The following SMAP2 variants were observed in gnomAD, a reference collection of about 807,000 sequenced individuals.
SMAP2 encodes stromal membrane-associated protein 2.
Under a neutral mutation model 56.4 loss-of-function variants are expected in SMAP2, and 25 were observed. The observed-to-expected ratio is 0.44, with a 90% CI of 0.32 to 0.62. The LOEUF is 0.62. SMAP2 is among the 20% of genes least tolerant of loss of function. The pLI, the probability that SMAP2 is intolerant of heterozygous loss-of-function variation, is 0.04. For missense variants in SMAP2, 388 were observed against 545.6 expected (o/e 0.71, Z 2.88); for synonymous variants, 157 against 181.7 (o/e 0.86, Z 1.09).
intron 1 of SMAP2, among the ~76,000 whole-genome samples, chr1:40,352,494 GT>G (rs1449585678): frequency 6.6e-6 from 1 of 151,802 alleles, no homozygotes; most frequent in East Asian, 1.9e-4. Context: ...CTTCTTTGTT[GT>G]TTCCCTTGCT....
chr1:40,415,462 G>A (rs2124369096), intron 7 of SMAP2, 81 bp downstream of exon 7: 1 of 942,246 alleles, frequency 1.1e-6, no homozygotes, highest in Non-Finnish European at 1.7e-6. Context: ...ACCACGTCAT[G>A]CTTCCTTGGT....
Position 40,355,799 on chromosome 1 carries a change from G to A in SMAP2, c.-82-6501G>A, listed in dbSNP as rs182497679. Among the ~76,000 whole-genome samples, 12 of 152,108 alleles carry A rather than the reference G, an allele frequency of 7.9e-5. No individual in the cohort carries two copies. In the East Asian group the frequency reaches 1.2e-3, roughly 15 times the overall value. On this transcript the variant is annotated intron_variant, in intron 1 of 6. Coordinates refer to the SMAP2 transcript ENST00000435168. ...TAATTTTTAAATTTTTTGTAGAGAC[G>A]AGGTCTCACTATGTTGCCAAGGTTG...
upstream of SMAP2, among the ~76,000 whole-genome samples, chr1:40,369,388 C>T (rs1178861676): frequency 6.8e-6 from 1 of 146,458 alleles, no homozygotes; most frequent in African/African-American, 2.5e-5. Flanking sequence ...AAAGAGCCCA[C>T]ATCGCCAAGT....
chr1:40,408,626 A>G lies in SMAP2; in HGVS notation c.238-27A>G, dbSNP rs1644907284. 6.3e-7 allele frequency: 1 copy of G among 1,595,984 alleles called. No homozygotes were observed. Among genetic ancestry groups the G allele is most frequent in the Non-Finnish European group, 8.6e-7 (1 of 1,163,790 alleles). The stretch of plus-strand genomic sequence containing the variant: ...CAGTTCTTTCTTGATCTGACGTTCC[A>G]TGTTTCTACATTCTCTTTGGTCACA... On this transcript the variant is annotated intron_variant, in intron 2 of 9. Coordinates refer to ENST00000372718, the MANE Select transcript of SMAP2 (RefSeq NM_022733.3). The surrounding 1 kb of genome is among the most constrained non-coding windows in gnomAD (Gnocchi z 4.3).
intron 1 of SMAP2, among the ~76,000 whole-genome samples, chr1:40,352,561 C>T (rs1644413379): frequency 6.6e-6 from 1 of 151,934 alleles, no homozygotes; most frequent in Non-Finnish European, 1.5e-5. Context: ...CTTTTAAAGA[C>T]AGGATCTTGC....
chr1:40,384,153 T>G (rs963927808), intron 1 of SMAP2, among the ~76,000 whole-genome samples: 5 of 152,180 alleles, frequency 3.3e-5, no homozygotes, highest in African/African-American at 1.2e-4. Context: ...CTACCCTCCT[T>G]GGCCTCCCAA....
At chr1:40,350,012 T>C (rs1644403750) in intron 1 of SMAP2, among the ~76,000 whole-genome samples, 1 of 152,144 alleles carries the variant, frequency 6.6e-6, no homozygotes, top group African/African-American at 2.4e-5. Context: ...GAGACAGTAC[T>C]CCCAGGCCTC....
At chr1:40,380,917 C>G (rs1644591673) in intron 1 of SMAP2, among the ~76,000 whole-genome samples, 1 of 152,184 alleles carries the variant, frequency 6.6e-6, no homozygotes, top group South Asian at 2.1e-4. Flanking sequence ...ACGCCTTTCT[C>G]TAGCCAAGAT....
chr1:40,411,812 T>C (rs777165780), intron 4 of SMAP2, among the ~76,000 whole-genome samples: 1 of 152,220 alleles, frequency 6.6e-6, no homozygotes, highest in African/African-American at 2.4e-5. Context: ...GCTGCATGTA[T>C]TGATTATAAA....
chr1:40,378,248 C>T (rs1644560664), intron 1 of SMAP2, among the ~76,000 whole-genome samples: 1 of 152,194 alleles, frequency 6.6e-6, no homozygotes, highest in African/African-American at 2.4e-5. Context: ...CTTAGCCTCC[C>T]AAAGTGCTGG....
intron 9 of SMAP2, among the ~76,000 whole-genome samples, chr1:40,419,532 A>C (rs1645022616): frequency 6.6e-6 from 1 of 152,040 alleles, no homozygotes; most frequent in Non-Finnish European, 1.5e-5. Context: ...TGATCCACCC[A>C]CCTTGGCCTC....
intron 1 of SMAP2, among the ~76,000 whole-genome samples, chr1:40,354,718 G>T (rs555361036): frequency 6.8e-6 from 1 of 147,016 alleles, no homozygotes; most frequent in East Asian, 2.0e-4. Context: ...TATAACTTGT[G>T]ACCAACTAGT....
chr1:40,393,541 C>A, intron 1 of SMAP2: 207 of 810,910 alleles, frequency 2.6e-4, no homozygotes, highest in Non-Finnish European at 3.2e-4. Flanking sequence ...GTTCTTCTAA[C>A]TTTTTTTTTT....
intron 4 of SMAP2, among the ~76,000 whole-genome samples, chr1:40,410,614 A>C (rs1644925893): frequency 6.6e-6 from 1 of 152,158 alleles, no homozygotes; most frequent in Non-Finnish European, 1.5e-5. Context: ...ACTGATTGCC[A>C]ATGGGACCCT....
intron 2 of SMAP2, among the ~76,000 whole-genome samples, chr1:40,366,197 C>T (rs1203365439): frequency 2.0e-5 from 3 of 151,654 alleles, no homozygotes; most frequent in African/African-American, 7.3e-5. Context: ...AAATATGGGA[C>T]TATGTGAAAA....
upstream of SMAP2, among the ~76,000 whole-genome samples, chr1:40,373,452 G>C (rs1388141764): frequency 6.6e-6 from 1 of 152,214 alleles, no homozygotes; most frequent in Non-Finnish European, 1.5e-5. Flanking sequence ...CATAGTAAGA[G>C]CTCAGTAAAT....
At chr1:40,372,805 C>T (rs904447787), upstream of SMAP2, among the ~76,000 whole-genome samples, 2 of 152,098 alleles carry the variant, frequency 1.3e-5, no homozygotes, top group African/African-American at 4.8e-5. Flanking sequence ...AACCACAAAT[C>T]GGATCATGCT....
At chr1:40,354,882 C>G (rs1644428420) in intron 1 of SMAP2, among the ~76,000 whole-genome samples, 1 of 140,374 alleles carries the variant, frequency 7.1e-6, no homozygotes, top group Non-Finnish European at 1.5e-5. Flanking sequence ...CTCCCGGGTT[C>G]AAGTGATTCT....
chr1:40,406,672 T>C, intron 1 of SMAP2, 64 bp from the exon 2 acceptor site: 1 of 1,515,094 alleles, frequency 6.6e-7, no homozygotes, highest in South Asian at 1.2e-5. Context: ...GATAATCTAA[T>C]ATTGTAGTTT....
Sources: gnomAD v4.1 joint callset for allele counts (sites outside exome capture counted in the v4.1 genomes callset) on GRCh38, gnomAD v4.1.1 for gene constraint, Gnocchi (gnomAD v3.1) non-coding constraint, MANE v1.5 for transcripts, NCBI Gene and HGNC (gene_info 2026-07-23, HGNC 2026-07-21) for gene names.